Variants in RCCD1 observed in about 807,000 individuals in gnomAD.
RCCD1 encodes the protein RCC1 domain-containing protein 1.
Under a neutral mutation model 37.6 loss-of-function variants are expected in RCCD1, and 40 were observed. That is an observed-to-expected ratio of 1.06 (90% CI 0.83 to 1.39). The LOEUF (loss-of-function observed/expected upper bound fraction) is 1.39. RCCD1 is among the 40% of genes most tolerant of loss of function. RCCD1 has a pLI of 0.00. For synonymous variants in RCCD1, 263 were observed against 230.0 expected (o/e 1.14, Z -1.30); for missense variants, 577 against 517.3 (o/e 1.12, Z -1.12).
In RCCD1 at chr15:90,961,845, A is replaced by G; in HGVS notation, c.*76A>G. On this transcript the variant is annotated 3_prime_UTR_variant, in exon 8 of 8. Transcript: ENST00000394258. ...AAGGAAAACCATTGCCTGCACCCCA[A>G]GGGCCCCATATTTGCCCCTCCCCAT... 2 of 1,477,546 alleles carry G rather than the reference A, an allele frequency of 1.4e-6. No individual in the cohort carries two copies. The highest frequency in any genetic ancestry group is 1.8e-6 in the Non-Finnish European group (2 of 1,085,166). 91.5% of individuals were successfully genotyped at this position (1,477,546 alleles called of 1,614,324 possible). A position where few individuals can be genotyped will look rare whatever the true frequency, so the allele number is the denominator to read the frequency against.
At chr15:90,958,200 T>A (rs571347848) in intron 4 of RCCD1, among the ~76,000 whole-genome samples, 1 of 152,294 alleles carries the variant, frequency 6.6e-6, no homozygotes, top group Admixed American at 6.5e-5. Flanking sequence ...TTTCACTTGG[T>A]GATCCAGGTG....
intron 4 of RCCD1, among the ~76,000 whole-genome samples, chr15:90,958,526 G>C (rs752872468): frequency 6.6e-6 from 1 of 151,660 alleles, no homozygotes; most frequent in Non-Finnish European, 1.5e-5. Context: ...TACTCGGGAG[G>C]CTGAGGCAGG....
chr15:90,957,530 G>T (rs1168575448), intron 3 of RCCD1, 27 bp downstream of exon 3: 1 of 1,599,264 alleles, frequency 6.3e-7, no homozygotes, highest in Non-Finnish European at 8.5e-7. Context: ...GCAGGTGAGG[G>T]CTGCTGATTG....
intron 7 of RCCD1, 35 bp from the exon 8 acceptor site, chr15:90,961,583 T>G (rs766214856): frequency 1.3e-6 from 2 of 1,595,460 alleles, no homozygotes; most frequent in Admixed American, 3.4e-5. Context: ...CAAGACCCAG[T>G]GGAGACGATG....
At position 90,957,307 on chromosome 15, in the gene RCCD1, G is replaced by C. The variant is rs2151380931; in HGVS notation, c.361G>C (p.Gly121Arg). 6.5e-7 allele frequency: 1 copy of C among 1,538,992 alleles called. No homozygotes were observed. The highest frequency in any genetic ancestry group is 1.4e-5 in the African/African-American group (1 of 72,532). The stretch of plus-strand genomic sequence containing the variant: ...CCAGAATGTGGTGCCCGAGGCCGAA[G>C]GGGAAGACGATCCGGCCGGTGAGGC... ...WAQNVVPEAE[G>R]EDDPAGEAQA... Residue 121 changes from glycine (G) to arginine (R), a missense_variant, in exon 3 of 8, where the codon GGG becomes CGG. Transcript: ENST00000394258.
chr15:90,957,230 T>C lies in RCCD1; in HGVS notation c.284T>C (p.Leu95Ser). The C allele has an allele frequency of 2.1e-6, 3 of 1,432,868 alleles. No homozygotes were observed. Among genetic ancestry groups the C allele is most frequent in the Non-Finnish European group, 2.7e-6 (3 of 1,093,516 alleles). 88.8% of individuals were successfully genotyped at this position (1,432,868 alleles called of 1,614,324 possible). ...VLRAGPGPEA[L>S]LQVWAAESAL... is the part of the protein sequence containing the mutation. ...CGCGCCGGGCCGGGGCCGGAGGCGT[T>C]ACTGCAGGTCTGGGCGGCCGAATCG... Residue 95 changes from leucine to serine, a missense_variant, in exon 3 of 8, where the codon TTA becomes TCA. Physicochemically the swap from Leu to Ser is moderately radical, Grantham distance 145. Coordinates refer to ENST00000394258, the MANE Select transcript of RCCD1 (RefSeq NM_001017919.2).
At chr15:90,960,896 T>A (rs544860294) in intron 6 of RCCD1, 129 bp from the exon 7 acceptor site, 1 of 884,650 alleles carries the variant, frequency 1.1e-6, no homozygotes, top group Non-Finnish European at 1.9e-6. Flanking sequence ...TAAGAGAATA[T>A]GTTGTTCCAT....
intron 2 of RCCD1, 62 bp from the exon 3 acceptor site, chr15:90,957,051 A>G (rs1199475122): frequency 6.9e-6 from 9 of 1,296,954 alleles, no homozygotes; most frequent in Non-Finnish European, 8.8e-6. Flanking sequence ...TCCCAGGAAC[A>G]CCCCGCTCCC....
chr15:90,959,830 TG>T, intron 4 of RCCD1, 69 bp from the exon 5 acceptor site: 2 of 1,211,722 alleles, frequency 1.7e-6, no homozygotes, highest in Non-Finnish European at 2.4e-6. Flanking sequence ...GCGGATGCGA[TG>T]GGGAGGAGAG....
chr15:90,960,389 C>A lies in RCCD1; in HGVS notation c.840C>A (p.Ala280=). The A allele has an allele frequency of 6.2e-7, 1 of 1,613,772 alleles. No individual in the cohort carries two copies. Among genetic ancestry groups the A allele is most frequent in the Non-Finnish European group, 8.5e-7 (1 of 1,179,944 alleles). Reference sequence around the variant, plus strand: ...GAACGGGTGGGGCTGAGGATGGAGCCCCTGCCCCCTTCATAGCTGTCCAGC... The same window carrying A: ...GAACGGGTGGGGCTGAGGATGGAGCACCTGCCCCCTTCATAGCTGTCCAGC... ...VKRTGGAEDG[A]PAPFIAVQPF... The change falls in exon 6 of 8, where the codon GCC becomes GCA. Residue 280 remains alanine (A), a synonymous_variant. Transcript: ENST00000394258.
intron 7 of RCCD1, 138 bp downstream of exon 7, chr15:90,961,192 C>G: frequency 1.2e-6 from 1 of 809,702 alleles, no homozygotes; most frequent in Non-Finnish European, 2.0e-6. Flanking sequence ...GGACTGCTCC[C>G]TCCCTGGGGT....
chr15:90,957,585 G>C lies in RCCD1; in HGVS notation c.558-19G>C. ...ACCCCTTAATGCGACTGTAGCTGAC[G>C]ACGGTCTCCCTTGCTCAGGCATGGA... is the stretch of plus-strand genomic sequence containing the variant. On this transcript the variant is annotated intron_variant, in intron 3 of 7. Coordinates refer to ENST00000394258, the MANE Select transcript of RCCD1 (RefSeq NM_001017919.2). 2.5e-6 allele frequency: 4 copies of C among 1,613,876 alleles called. No homozygotes were observed. The highest frequency in any genetic ancestry group is 3.4e-6 in the Non-Finnish European group (4 of 1,179,998).
intron 2 of RCCD1, 99 bp downstream of exon 2, chr15:90,956,999 C>T (rs2037209631): frequency 2.3e-6 from 3 of 1,281,034 alleles, no homozygotes. Flanking sequence ...CCCGTTCAGG[C>T]CGCCAGCCCC....
intron 4 of RCCD1, 131 bp downstream of exon 4, chr15:90,957,856 ACTCCTAAATGC>A: frequency 1.6e-6 from 2 of 1,228,972 alleles, no homozygotes; most frequent in Non-Finnish European, 2.3e-6. Context: ...GTCAGTTATG[ACTCCTAAATGC>A]CTCTCACCCT....
chr15:90,960,878 C>T (rs888035805), intron 6 of RCCD1, 147 bp from the exon 7 acceptor site: 1 of 802,320 alleles, frequency 1.2e-6, no homozygotes, highest in East Asian at 2.5e-5. Context: ...GTGTGATCAG[C>T]CAGTTGTTAA....
chr15:90,961,148 A>G, intron 7 of RCCD1, 94 bp downstream of exon 7: 2 of 1,264,932 alleles, frequency 1.6e-6, no homozygotes, highest in Non-Finnish European at 1.1e-6. Context: ...GACTGGAGGA[A>G]GCAGGGGCCT....
At position 90,961,820 on chromosome 15, in the gene RCCD1, A is replaced by G. The variant is rs1053425616; in HGVS notation, c.*51A>G. 1 of 1,568,626 alleles carries G rather than the reference A, an allele frequency of 6.4e-7. No homozygotes were observed. Among genetic ancestry groups the G allele is most frequent in the East Asian group, 2.3e-5 (1 of 44,268 alleles). Reference sequence around the variant, plus strand: ...CACCTGTGAGACCCCCATTCAGGTCAAGGAAAACCATTGCCTGCACCCCAA... The same window carrying G: ...CACCTGTGAGACCCCCATTCAGGTCGAGGAAAACCATTGCCTGCACCCCAA... On this transcript the variant is annotated 3_prime_UTR_variant, in exon 8 of 8. Transcript: ENST00000394258.
chr15:90,960,762 CTG>C (rs2037299042), intron 6 of RCCD1: 1 of 613,118 alleles, frequency 1.6e-6, no homozygotes, highest in African/African-American at 1.8e-5. Flanking sequence ...GCCGCCGCCT[CTG>C]ACAGCAGGGA....
chr15:90,957,520 G>C lies in RCCD1; in HGVS notation c.557+17G>C. ...CGGGGGCAGGTGAGCGGAGGCGGGGGCAGGTGAGGGCTGCTGATTGGAGAA... is the reference window on the plus strand; with the variant it reads ...CGGGGGCAGGTGAGCGGAGGCGGGGCCAGGTGAGGGCTGCTGATTGGAGAA... On this transcript the variant is annotated intron_variant, in intron 3 of 7. Transcript: ENST00000394258. 6.3e-7 allele frequency: 1 copy of C among 1,589,674 alleles called. No homozygotes were observed. The highest frequency in any genetic ancestry group is 8.5e-7 in the Non-Finnish European group (1 of 1,170,298).
Sources: gnomAD v4.1 joint callset for allele counts (sites outside exome capture counted in the v4.1 genomes callset) on GRCh38, gnomAD v4.1.1 for gene constraint, MANE v1.5 for transcripts, NCBI Gene and HGNC (gene_info 2026-07-23, HGNC 2026-07-21) for gene names.